The following TNNI3K variants were observed in gnomAD, a reference collection of about 807,000 sequenced individuals.
TNNI3K encodes TNNI3 interacting kinase.
TNNI3K carries 140 observed loss-of-function variants against 114.5 expected under a neutral mutation model. The observed-to-expected ratio is 1.22, with a 90% CI of 1.07 to 1.41. TNNI3K has a LOEUF of 1.41. TNNI3K is among the 40% of genes most tolerant of loss of function. The pLI is 0.00. For synonymous variants in TNNI3K, 347 were observed against 347.5 expected (o/e 1.00, Z 0.02); for missense variants, 1,125 against 1,007.6 (o/e 1.12, Z -1.58).
intron 9 of TNNI3K, among the ~76,000 whole-genome samples, chr1:74,345,552 A>C (rs1660960200): frequency 6.6e-6 from 1 of 152,166 alleles, no homozygotes; most frequent in Non-Finnish European, 1.5e-5. Flanking sequence ...AAGCTTAGGC[A>C]AGGCCATCCC....
intron 10 of TNNI3K, 99 bp downstream of exon 10, chr1:74,353,459 C>A: frequency 4.7e-6 from 6 of 1,276,372 alleles, no homozygotes; most frequent in Non-Finnish European, 6.5e-6. Flanking sequence ...GTGCTCAACT[C>A]CAGTGGGAAA....
intron 23 of TNNI3K, among the ~76,000 whole-genome samples, chr1:74,516,176 G>T (rs2100396494): frequency 6.6e-6 from 1 of 152,144 alleles, no homozygotes; most frequent in Admixed American, 6.5e-5. Context: ...TTAAAAATAT[G>T]GTCATTTATT....
chr1:74,443,632 G>C (rs555339083), intron 20 of TNNI3K, among the ~76,000 whole-genome samples: 1 of 152,082 alleles, frequency 6.6e-6, no homozygotes, highest in Non-Finnish European at 1.5e-5. Context: ...CAATTGAAAA[G>C]GAAGGACTCC....
intron 17 of TNNI3K, among the ~76,000 whole-genome samples, chr1:74,397,703 A>G (rs1403389595): frequency 6.6e-6 from 1 of 152,192 alleles, no homozygotes; most frequent in Non-Finnish European, 1.5e-5. Flanking sequence ...ACTCCACTAC[A>G]TGATGGGATG....
At chr1:74,473,640 A>G (rs1052027349) in intron 21 of TNNI3K, among the ~76,000 whole-genome samples, 33 of 152,034 alleles carry the variant, frequency 2.2e-4, no homozygotes, top group Admixed American at 2.1e-3. Context: ...TCCATCTCCA[A>G]TTTTCCCCAA....
chr1:74,352,235 C>T (rs1009257360), intron 9 of TNNI3K, among the ~76,000 whole-genome samples: 1 of 152,204 alleles, frequency 6.6e-6, no homozygotes, highest in South Asian at 2.1e-4. Context: ...GAGGTCCACT[C>T]CAGACCCTGT....
chr1:74,476,608 A>G (rs1054660048), intron 21 of TNNI3K, among the ~76,000 whole-genome samples: 1 of 152,152 alleles, frequency 6.6e-6, no homozygotes, highest in African/African-American at 2.4e-5. Context: ...GATTCTGTTT[A>G]TGAATTCTGA....
intron 4 of TNNI3K, among the ~76,000 whole-genome samples, chr1:74,253,922 A>G (rs568098828): frequency 1.3e-5 from 2 of 152,334 alleles, no homozygotes; most frequent in East Asian, 1.9e-4. Flanking sequence ...AGTTGTTCAC[A>G]CTACCAGGCA....
intron 20 of TNNI3K, among the ~76,000 whole-genome samples, chr1:74,453,564 G>GA (rs763685267): frequency 2.0e-5 from 3 of 152,084 alleles, no homozygotes; most frequent in Non-Finnish European, 4.4e-5. Flanking sequence ...TACTTCCTGG[G>GA]AAAAATATAA....
chr1:74,381,505 T>C (rs1663201674), intron 17 of TNNI3K, among the ~76,000 whole-genome samples: 1 of 152,198 alleles, frequency 6.6e-6, no homozygotes, highest in South Asian at 2.1e-4. Flanking sequence ...TCCTTTTTTA[T>C]TGTATTACAC....
intron 21 of TNNI3K, chr1:74,464,686 C>G: frequency 6.3e-7 from 1 of 1,597,278 alleles, no homozygotes; most frequent in East Asian, 2.2e-5. Flanking sequence ...CACAGAAACT[C>G]TTAAGAAGAA....
At chr1:74,274,812 A>G (rs924855484) in intron 5 of TNNI3K, among the ~76,000 whole-genome samples, 1 of 152,066 alleles carries the variant, frequency 6.6e-6, no homozygotes, top group Non-Finnish European at 1.5e-5. Flanking sequence ...CCTAGCTGAC[A>G]TTAAATGTGC....
chr1:74,459,333 A>G (rs1037418872), intron 20 of TNNI3K, among the ~76,000 whole-genome samples: 2 of 152,206 alleles, frequency 1.3e-5, no homozygotes, highest in Admixed American at 6.5e-5. Context: ...TTTATGATCT[A>G]TATGCACAGG....
chr1:74,391,581 A>C lies in TNNI3K; in HGVS notation c.1772+21189A>C, dbSNP rs183386497. Among the ~76,000 whole-genome samples the C allele has an allele frequency of 2.6e-5, 4 of 152,366 alleles. No homozygotes were observed. In the East Asian group the frequency reaches 7.7e-4, roughly 29 times the overall value. On this transcript the variant is annotated intron_variant, in intron 17 of 24. Transcript: ENST00000326637. ...ATTTTAAATTTGAGGTGCCTGTTAG[A>C]CATTTAAGAAGAGACCTTCAGAAAG...
chr1:74,428,093 T>C (rs1557559770), intron 17 of TNNI3K, among the ~76,000 whole-genome samples: 1 of 152,054 alleles, frequency 6.6e-6, no homozygotes, highest in Non-Finnish European at 1.5e-5. Context: ...TTGAAGTTTG[T>C]TTTAGGAAAA....
At chr1:74,524,774 A>G (rs867139035) in intron 23 of TNNI3K, among the ~76,000 whole-genome samples, 184 of 152,114 alleles carry the variant, frequency 1.2e-3, no homozygotes, top group Middle Eastern at 6.8e-3. Flanking sequence ...AAAAATGAAA[A>G]AGAAAGGAAG....
chr1:74,503,257 T>A (rs115486283), intron 23 of TNNI3K, among the ~76,000 whole-genome samples: 4,622 of 152,288 alleles, frequency 0.03, 110 homozygotes, highest in Non-Finnish European at 0.045. Flanking sequence ...CAATAGGGAA[T>A]CAGCATCTTT....
intron 7 of TNNI3K, among the ~76,000 whole-genome samples, chr1:74,339,722 G>A (rs931454711): frequency 1.3e-5 from 2 of 151,862 alleles, no homozygotes; most frequent in Non-Finnish European, 2.9e-5. Flanking sequence ...TTGCTTCTTT[G>A]TATCTCTTAG....
intron 23 of TNNI3K, among the ~76,000 whole-genome samples, chr1:74,527,245 A>G (rs1159391662): frequency 6.6e-6 from 1 of 152,222 alleles, no homozygotes; most frequent in East Asian, 1.9e-4. Flanking sequence ...GGCTAAAGAA[A>G]TGAAAGGAGG....
Sources: gnomAD v4.1 joint callset for allele counts (sites outside exome capture counted in the v4.1 genomes callset) on GRCh38, gnomAD v4.1.1 for gene constraint, MANE v1.5 for transcripts, NCBI Gene and HGNC (gene_info 2026-07-23, HGNC 2026-07-21) for gene names.